The following GALNTL6 variants were observed in gnomAD, a reference collection of about 807,000 sequenced individuals.
GALNTL6 encodes polypeptide N-acetylgalactosaminyltransferase like 6, also known as polypeptide N-acetylgalactosaminyltransferase-like 6.
Under a neutral mutation model 73.7 loss-of-function variants are expected in GALNTL6, and 46 were observed. That is an observed-to-expected ratio of 0.62 (90% confidence interval 0.49 to 0.80). The LOEUF (loss-of-function observed/expected upper bound fraction) is 0.80, where lower values mean the gene tolerates loss of function less well. Ranked by LOEUF, GALNTL6 falls within the 30% of genes least tolerant of loss-of-function variation. The pLI is 0.00. For missense variants in GALNTL6, 604 were observed against 755.0 expected (o/e 0.80, Z 2.34); for synonymous variants, 259 against 263.7 (o/e 0.98, Z 0.17).
intron 7 of GALNTL6, among the ~76,000 whole-genome samples, chr4:172,858,868 A>C (rs187165442): frequency 3.9e-5 from 6 of 152,302 alleles, no homozygotes; most frequent in Non-Finnish European, 8.8e-5. Context: ...TAACAAAGAC[A>C]AATGAAAAAT....
At chr4:172,047,828 T>C (rs1344388233) in intron 2 of GALNTL6, among the ~76,000 whole-genome samples, 1 of 152,130 alleles carries the variant, frequency 6.6e-6, no homozygotes. Context: ...AAGGTATAGA[T>C]TGTGTAAAAG....
intron 2 of GALNTL6, among the ~76,000 whole-genome samples, chr4:172,114,330 G>A (rs1732931111): frequency 6.6e-6 from 1 of 151,998 alleles, no homozygotes; most frequent in South Asian, 2.1e-4. Context: ...AAGAAAAATT[G>A]GGAGTCAATT....
At chr4:172,998,272 G>C (rs912672870) in intron 10 of GALNTL6, among the ~76,000 whole-genome samples, 4 of 152,202 alleles carry the variant, frequency 2.6e-5, no homozygotes. Flanking sequence ...TGATGGCTAT[G>C]AGGCAAAGCC....
At chr4:171,903,599 G>C (rs553437298) in intron 2 of GALNTL6, among the ~76,000 whole-genome samples, 15 of 134,398 alleles carry the variant, frequency 1.1e-4, no homozygotes, top group South Asian at 7.1e-4. Flanking sequence ...GCTTGATTAG[G>C]TAAACAAAGC....
At chr4:172,140,082 G>T (rs1733761875) in intron 2 of GALNTL6, among the ~76,000 whole-genome samples, 1 of 151,864 alleles carries the variant, frequency 6.6e-6, no homozygotes, top group Non-Finnish European at 1.5e-5. Context: ...CTCTGAGGGT[G>T]TTTAGCACAA....
At chr4:171,844,247 A>G (rs937176439) in intron 2 of GALNTL6, among the ~76,000 whole-genome samples, 1 of 152,108 alleles carries the variant, frequency 6.6e-6, no homozygotes, top group East Asian at 1.9e-4. Flanking sequence ...ACTCAGGGTC[A>G]TTATTATGTT....
At chr4:173,030,018 A>T (rs1753391000) in intron 12 of GALNTL6, among the ~76,000 whole-genome samples, 2 of 152,228 alleles carry the variant, frequency 1.3e-5, no homozygotes, top group Admixed American at 1.3e-4. Context: ...ATAAAAATTC[A>T]TGTAAAATTA....
Position 173,027,549 on chromosome 4 carries a change from C to A in GALNTL6, c.1638+5924C>A, listed in dbSNP as rs76307467. Among the ~76,000 whole-genome samples, 1,478 of 152,256 alleles carry A rather than the reference C, an allele frequency of 9.7e-3. 27 individuals are homozygous for A. The highest frequency in any genetic ancestry group is 0.034 in the African/African-American group (1,407 of 41,536). ...ACAGAAAGTAAGCTAATAAAATAAACTAAATTAATCTAATAGGAAGTATAG... is the reference window on the plus strand; with the variant it reads ...ACAGAAAGTAAGCTAATAAAATAAAATAAATTAATCTAATAGGAAGTATAG... On this transcript the variant is annotated intron_variant, in intron 12 of 12. Coordinates refer to ENST00000506823, the MANE Select transcript of GALNTL6 (RefSeq NM_001034845.3).
intron 5 of GALNTL6, among the ~76,000 whole-genome samples, chr4:172,593,230 A>G (rs1298382402): frequency 6.6e-6 from 1 of 152,164 alleles, no homozygotes; most frequent in Non-Finnish European, 1.5e-5. Flanking sequence ...ATAGAACTTT[A>G]TGCTTTTATT....
intron 10 of GALNTL6, among the ~76,000 whole-genome samples, chr4:172,965,524 A>G (rs181461255): frequency 6.6e-6 from 1 of 152,240 alleles, no homozygotes; most frequent in Admixed American, 6.5e-5. Flanking sequence ...CAGAGCTTGC[A>G]GTGAGCTGAG....
chr4:172,908,881 T>C (rs1252100499), intron 8 of GALNTL6, among the ~76,000 whole-genome samples: 1 of 151,890 alleles, frequency 6.6e-6, no homozygotes, highest in Non-Finnish European at 1.5e-5. Flanking sequence ...GCAATCTCAG[T>C]AAAAATGGTA....
At chr4:171,841,554 T>G (rs866280565) in intron 2 of GALNTL6, among the ~76,000 whole-genome samples, 21 of 152,130 alleles carry the variant, frequency 1.4e-4, no homozygotes, top group South Asian at 2.1e-4. Context: ...CCATTTTATT[T>G]TTCTTCATAA....
chr4:172,682,029 C>T (rs1447911414), intron 5 of GALNTL6, among the ~76,000 whole-genome samples: 1 of 152,120 alleles, frequency 6.6e-6, no homozygotes, highest in Non-Finnish European at 1.5e-5. Context: ...AAAATTAAAA[C>T]TCTCAGAACA....
At chr4:172,061,189 T>C (rs917364874) in intron 2 of GALNTL6, among the ~76,000 whole-genome samples, 2 of 152,138 alleles carry the variant, frequency 1.3e-5, no homozygotes, top group South Asian at 4.1e-4. Context: ...ACTTTTCAGG[T>C]CTTTTTTTCT....
intron 5 of GALNTL6, among the ~76,000 whole-genome samples, chr4:172,637,726 A>G (rs1405969806): frequency 1.3e-5 from 2 of 152,170 alleles, no homozygotes; most frequent in Non-Finnish European, 2.9e-5. Context: ...CAAAAAGCAA[A>G]TAACTTATTG....
intron 2 of GALNTL6, among the ~76,000 whole-genome samples, chr4:171,837,612 T>C (rs1032298705): frequency 6.8e-6 from 1 of 147,114 alleles, no homozygotes; most frequent in East Asian, 1.9e-4. Context: ...TTAATAGTAA[T>C]TGATATATAA....
chr4:171,928,619 GACA>G (rs1405112707), intron 2 of GALNTL6, among the ~76,000 whole-genome samples: 2 of 152,164 alleles, frequency 1.3e-5, no homozygotes, highest in African/African-American at 4.8e-5. Flanking sequence ...TGCACCTTAT[GACA>G]ACATTTTGGT....
At chr4:171,883,898 C>T (rs556186167) in intron 2 of GALNTL6, among the ~76,000 whole-genome samples, 7 of 152,050 alleles carry the variant, frequency 4.6e-5, no homozygotes, top group Admixed American at 3.9e-4. Flanking sequence ...CTGCCTGCCT[C>T]GGCCTCCCAA....
chr4:172,130,406 A>G (rs529339856), intron 2 of GALNTL6, among the ~76,000 whole-genome samples: 4 of 152,114 alleles, frequency 2.6e-5, no homozygotes, highest in East Asian at 3.9e-4. Flanking sequence ...AAAAGTGCCT[A>G]TATTTTTGTT....
Sources: gnomAD v4.1 joint callset for allele counts (sites outside exome capture counted in the v4.1 genomes callset) on GRCh38, gnomAD v4.1.1 for gene constraint, MANE v1.5 for transcripts, NCBI Gene and HGNC (gene_info 2026-07-23, HGNC 2026-07-21) for gene names.